MAN1A1: variants seen among roughly 807,000 people sequenced by gnomAD.
MAN1A1 encodes mannosidase alpha class 1A member 1.
In MAN1A1, 29 loss-of-function variants were observed where a neutral mutation model predicts 70.8. That is an observed-to-expected ratio of 0.41 (90% CI 0.31 to 0.56). The LOEUF is 0.56. Ranked by LOEUF, MAN1A1 falls within the 20% of genes least tolerant of loss-of-function variation. MAN1A1 has a pLI of 0.29. For synonymous variants in MAN1A1, 349 were observed against 330.1 expected (o/e 1.06, Z -0.62); for missense variants, 747 against 841.3 (o/e 0.89, Z 1.39).
intron 4 of MAN1A1, among the ~76,000 whole-genome samples, chr6:119,296,624 T>A (rs957015647): frequency 4.6e-5 from 7 of 151,918 alleles, no homozygotes; most frequent in African/African-American, 1.7e-4. Flanking sequence ...TCAACATATA[T>A]CCTCCTGACA....
At chr6:119,232,672 CATAT>C (rs201602062) in intron 6 of MAN1A1, among the ~76,000 whole-genome samples, 2 of 132,736 alleles carry the variant, frequency 1.5e-5, no homozygotes, top group South Asian at 2.4e-4. Flanking sequence ...CATATATACA[CATAT>C]ATATGTGTGT....
intron 5 of MAN1A1, among the ~76,000 whole-genome samples, chr6:119,270,911 T>C (rs998291011): frequency 1.3e-5 from 2 of 152,258 alleles, no homozygotes; most frequent in African/African-American, 4.8e-5. Flanking sequence ...TATTCCCAAC[T>C]GTTTCTGTGA....
intron 2 of MAN1A1, among the ~76,000 whole-genome samples, chr6:119,321,012 T>A (rs1045002242): frequency 7.2e-5 from 11 of 152,218 alleles, no homozygotes; most frequent in Admixed American, 6.5e-5. Context: ...GATAATACTA[T>A]TTGAAATGTT....
At position 119,266,192 on chromosome 6, in the gene MAN1A1, A is replaced by G. The variant is rs575680654; in HGVS notation, c.898-17838T>C. Among the ~76,000 whole-genome samples, 5 of 152,348 alleles carry G rather than the reference A, an allele frequency of 3.3e-5. No homozygotes were observed. The East Asian group carries it at 9.6e-4, about 29-fold the overall frequency. ...TCAGTTCTTCCCAACTTGGAATAAT[A>G]GATTACTGCAATCCCAATAAAAATT... On this transcript the variant is annotated intron_variant, in intron 5 of 12. Coordinates refer to ENST00000368468, the MANE Select transcript of MAN1A1 (RefSeq NM_005907.4).
At chr6:119,193,402 GCCA>G (rs148176277) in intron 9 of MAN1A1, among the ~76,000 whole-genome samples, 7,076 of 152,262 alleles carry the variant, frequency 0.046, 203 homozygotes, top group East Asian at 0.082. Flanking sequence ...CATGGAGGTA[GCCA>G]TTGGGACTGT....
Position 119,252,565 on chromosome 6 carries a change from G to A in MAN1A1, c.898-4211C>T, listed in dbSNP as rs1398922476. 4.6e-5 allele frequency among the ~76,000 whole-genome samples: 7 copies of A among 152,076 alleles called. No homozygotes were observed. In the East Asian group the frequency reaches 5.8e-4, roughly 13 times the overall value. On this transcript the variant is annotated intron_variant, in intron 5 of 12. Transcript: ENST00000368468. The stretch of plus-strand genomic sequence containing the variant: ...TCCCAGCACTTTGGGAGGTGGAGGC[G>A]GGTGGATCACGAAGTCAAGAGATCG...
At chr6:119,266,417 G>A (rs1025932324) in intron 5 of MAN1A1, among the ~76,000 whole-genome samples, 1 of 151,954 alleles carries the variant, frequency 6.6e-6, no homozygotes, top group African/African-American at 2.4e-5. Context: ...AGAGAGCCTA[G>A]AAATTGATCC....
chr6:119,294,108 T>G (rs1772130803), intron 4 of MAN1A1, among the ~76,000 whole-genome samples: 1 of 152,106 alleles, frequency 6.6e-6, no homozygotes, highest in Admixed American at 6.6e-5. Context: ...TCATCTTCTT[T>G]GGCCCATATG....
intron 8 of MAN1A1, among the ~76,000 whole-genome samples, chr6:119,196,349 G>C (rs1029628529): frequency 6.7e-6 from 1 of 149,912 alleles, no homozygotes; most frequent in Non-Finnish European, 1.5e-5. Flanking sequence ...CAAGACAAAG[G>C]AACGTAGAAG....
chr6:119,274,163 T>C (rs1775994263), intron 5 of MAN1A1, among the ~76,000 whole-genome samples: 3 of 152,210 alleles, frequency 2.0e-5, no homozygotes, highest in Admixed American at 2.0e-4. Flanking sequence ...TTGTGAACAA[T>C]TAACATAATT....
chr6:119,236,839 T>TG (rs1300177076), intron 6 of MAN1A1, among the ~76,000 whole-genome samples: 1 of 152,188 alleles, frequency 6.6e-6, no homozygotes, highest in Non-Finnish European at 1.5e-5. Context: ...GAAAGCCTTC[T>TG]GGAAAAGATT....
At chr6:119,236,582 C>T (rs12200554) in intron 6 of MAN1A1, among the ~76,000 whole-genome samples, 59,436 of 151,568 alleles carry the variant, frequency 0.39, 12,286 homozygotes, top group African/African-American at 0.47. Context: ...GTGGTGGGTG[C>T]CTATAATCCC....
Position 119,193,760 on chromosome 6 carries a change from T to C in MAN1A1, c.1326+17A>G. 1 of 1,568,872 alleles carries C rather than the reference T, an allele frequency of 6.4e-7. No homozygotes were observed. Among genetic ancestry groups the C allele is most frequent in the Non-Finnish European group, 8.8e-7 (1 of 1,141,762 alleles). On this transcript the variant is annotated intron_variant, in intron 9 of 12. Coordinates refer to ENST00000368468, the MANE Select transcript of MAN1A1 (RefSeq NM_005907.4). The stretch of plus-strand genomic sequence containing the variant: ...AGTTAGGGCTGAGTGGCAAAGATGA[T>C]TTAAATATTGGGTTACCTGAACAGC...
intron 2 of MAN1A1, among the ~76,000 whole-genome samples, chr6:119,314,845 G>A (rs907654946): frequency 8.6e-5 from 13 of 151,936 alleles, no homozygotes; most frequent in Admixed American, 1.3e-4. Context: ...CCTCCACTTC[G>A]GCTCTCAGCT....
intron 3 of MAN1A1, among the ~76,000 whole-genome samples, chr6:119,302,938 G>A (rs1379519174): frequency 6.6e-6 from 1 of 152,126 alleles, no homozygotes; most frequent in East Asian, 1.9e-4. Context: ...GAATTCCAAT[G>A]ACATGGAGAC....
chr6:119,331,932 A>C (rs1396477044), intron 2 of MAN1A1: 5 of 508,874 alleles, frequency 9.8e-6, no homozygotes, highest in Non-Finnish European at 2.0e-5. Context: ...GGGACCAGAC[A>C]GACCTGGATT....
intron 6 of MAN1A1, among the ~76,000 whole-genome samples, chr6:119,234,621 C>A (rs1485609166): frequency 6.6e-6 from 1 of 152,036 alleles, no homozygotes; most frequent in Non-Finnish European, 1.5e-5. Context: ...TGCTTTGTTG[C>A]CTAGGCTGCT....
At chr6:119,340,556 C>T (rs1773570173) in intron 2 of MAN1A1, among the ~76,000 whole-genome samples, 1 of 152,214 alleles carries the variant, frequency 6.6e-6, no homozygotes, top group Non-Finnish European at 1.5e-5. Flanking sequence ...TAGTCATTCA[C>T]AGGCCTTCGG....
In MAN1A1 at chr6:119,193,824, C is replaced by G. The variant is rs1773500962; in HGVS notation, c.1279G>C (p.Asp427His). ...EYLLKAWLMS[D>H]KTDLEAKKMY... ...TTCTTAGCTTCCAGATCTGTCTTGT[C>G]AGACATTAACCAGGCCTTCAGCAAA... is the stretch of plus-strand genomic sequence containing the variant. Residue 427 changes from aspartate to histidine, a missense_variant, in exon 9 of 13, where the codon GAC becomes CAC. Asp to His is a moderately conservative substitution (Grantham distance 81). Coordinates refer to ENST00000368468, the MANE Select transcript of MAN1A1 (RefSeq NM_005907.4). 6.2e-7 allele frequency: 1 copy of G among 1,613,580 alleles called. No homozygotes were observed. The highest frequency in any genetic ancestry group is 1.7e-5 in the Admixed American group (1 of 59,992).
Sources: gnomAD v4.1 joint callset for allele counts (sites outside exome capture counted in the v4.1 genomes callset) on GRCh38, gnomAD v4.1.1 for gene constraint, MANE v1.5 for transcripts, NCBI Gene and HGNC (gene_info 2026-07-23, HGNC 2026-07-21) for gene names.